The following PICALM variants were observed in gnomAD, a reference collection of about 807,000 sequenced individuals.
The protein encoded by PICALM is phosphatidylinositol binding clathrin assembly protein, also known as phosphatidylinositol-binding clathrin assembly protein.
Under a neutral mutation model 80.5 loss-of-function variants are expected in PICALM, and 40 were observed. The ratio of observed to expected loss-of-function variants is 0.50; its 90% CI spans 0.39 to 0.65. PICALM has a LOEUF of 0.65. PICALM is among the 30% of genes least tolerant of loss of function. The pLI is 0.00. For missense variants in PICALM, 676 were observed against 778.9 expected, an observed-to-expected ratio of 0.87 and a Z score of 1.57; for synonymous variants, 288 against 260.3, an observed-to-expected ratio of 1.11 and a Z score of -1.02.
intron 1 of PICALM, among the ~76,000 whole-genome samples, chr11:86,035,960 A>G (rs977638390): frequency 2.1e-4 from 31 of 150,744 alleles, no homozygotes; most frequent in African/African-American, 6.1e-4. Flanking sequence ...AAAAAAAAAA[A>G]AAAAAGAAAA....
intron 10 of PICALM, 92 bp downstream of exon 10, chr11:86,000,943 T>C (rs955168903): frequency 5.3e-6 from 8 of 1,513,778 alleles, no homozygotes; most frequent in Middle Eastern, 1.8e-4. Flanking sequence ...TAGGTAGCTA[T>C]ACATTTAAGA....
chr11:86,060,768 T>G (rs780492252), intron 1 of PICALM, among the ~76,000 whole-genome samples: 1 of 148,292 alleles, frequency 6.7e-6, no homozygotes, highest in Non-Finnish European at 1.5e-5. Flanking sequence ...GAGACAGACA[T>G]TACACTCACA....
intron 7 of PICALM, among the ~76,000 whole-genome samples, chr11:86,008,829 G>A (rs1410905580): frequency 1.3e-5 from 2 of 150,978 alleles, no homozygotes; most frequent in East Asian, 2.0e-4. Context: ...GGTGGCTCAC[G>A]CCTGTAATCC....
At chr11:86,062,412 G>A (rs781705246) in intron 1 of PICALM, among the ~76,000 whole-genome samples, 5 of 152,008 alleles carry the variant, frequency 3.3e-5, no homozygotes, top group Non-Finnish European at 5.9e-5. Context: ...CAGGTATTTG[G>A]GAGGCTGAGG....
intron 1 of PICALM, among the ~76,000 whole-genome samples, chr11:86,044,275 G>GC (rs1253060171): frequency 6.6e-6 from 1 of 152,148 alleles, no homozygotes; most frequent in Non-Finnish European, 1.5e-5. Flanking sequence ...AAGAATTATG[G>GC]CAACAGTGGT....
chr11:85,965,684 G>A (rs2093852258), intron 19 of PICALM, among the ~76,000 whole-genome samples: 1 of 152,060 alleles, frequency 6.6e-6, no homozygotes, highest in African/African-American at 2.4e-5. Flanking sequence ...TAAGTCTAGT[G>A]CCACAAATAA....
chr11:85,959,119 A>T, intron 19 of PICALM, 59 bp from the exon 20 acceptor site: 1 of 1,242,968 alleles, frequency 8.0e-7, no homozygotes, highest in Non-Finnish European at 1.2e-6. Context: ...TCTCATAAAT[A>T]AAAATGCTTT....
At position 86,023,361 on chromosome 11, in the gene PICALM, G is replaced by GA. The variant is rs1457359831; in HGVS notation, c.350-893dup. On this transcript the variant is annotated intron_variant, in intron 3 of 19. Transcript: ENST00000393346. ...TGAGTGCCTATTAAGTACCAGTGGAGAAAAATCAGTGAACAAAATAGAAAA... is the reference window on the plus strand; with the variant it reads ...TGAGTGCCTATTAAGTACCAGTGGAGAAAAAATCAGTGAACAAAATAGAAAA... The GA allele has an allele frequency of 5.9e-6, 4 of 674,446 alleles. No individual in the cohort carries two copies. In the African/African-American group the frequency reaches 7.8e-5, roughly 13 times the overall value. 41.8% of individuals were successfully genotyped at this position (674,446 alleles called of 1,614,324 possible).
At chr11:86,014,134 A>G (rs2136326094) in intron 5 of PICALM, among the ~76,000 whole-genome samples, 1 of 152,370 alleles carries the variant, frequency 6.6e-6, no homozygotes, top group South Asian at 2.1e-4. Context: ...GGGGTACAAC[A>G]GAGAACAAAA....
At chr11:86,066,884 T>C (rs1786730772) in intron 1 of PICALM, among the ~76,000 whole-genome samples, 1 of 152,164 alleles carries the variant, frequency 6.6e-6, no homozygotes, top group African/African-American at 2.4e-5. Flanking sequence ...ACTACACGTA[T>C]CAGATAATCA....
At chr11:85,995,344 T>C (rs148757375) in intron 12 of PICALM, among the ~76,000 whole-genome samples, 4 of 152,326 alleles carry the variant, frequency 2.6e-5, no homozygotes, top group African/African-American at 9.6e-5. Flanking sequence ...TCCAATATAT[T>C]GCAGTCTGTC....
chr11:86,013,833 T>C (rs2095438207), intron 5 of PICALM, among the ~76,000 whole-genome samples: 1 of 152,176 alleles, frequency 6.6e-6, no homozygotes, highest in Admixed American at 6.5e-5. Flanking sequence ...GGCCACACAG[T>C]CTCTGTCATA....
At chr11:86,065,659 T>C (rs1285146461) in intron 1 of PICALM, among the ~76,000 whole-genome samples, 1 of 152,210 alleles carries the variant, frequency 6.6e-6, no homozygotes, top group African/African-American at 2.4e-5. Flanking sequence ...TTATGGCTAC[T>C]AAAGGCCTAA....
chr11:85,976,967 T>C (rs970224923), intron 17 of PICALM: 2 of 231,794 alleles, frequency 8.6e-6, no homozygotes, highest in African/African-American at 2.2e-5. Context: ...AATCTTTAGA[T>C]TTAAAAAAGT....
intron 17 of PICALM, among the ~76,000 whole-genome samples, chr11:85,978,978 G>C (rs1000077709): frequency 1.3e-5 from 2 of 152,112 alleles, no homozygotes; most frequent in African/African-American, 4.8e-5. Flanking sequence ...CCTAGTCAGT[G>C]AGGTGTGTTA....
chr11:86,022,085 T>G (rs1288387941), intron 4 of PICALM, among the ~76,000 whole-genome samples: 1 of 152,194 alleles, frequency 6.6e-6, no homozygotes, highest in Non-Finnish European at 1.5e-5. Context: ...GTTCTGAAAT[T>G]AGTGGTGATG....
chr11:85,978,317 AAT>A (rs1222128639), intron 17 of PICALM: 2 of 400,604 alleles, frequency 5.0e-6, no homozygotes, highest in Non-Finnish European at 9.1e-6. Context: ...TTATATAAAA[AAT>A]AGTTTATTGA....
At position 86,056,134 on chromosome 11, in the gene PICALM, T is replaced by TAAAAAAAAAAAAAAAAA. The variant is rs376759395; in HGVS notation, c.130+12516_130+12517insTTTTTTTTTTTTTTTTT. ...TGGGTGACAGAACAAGACTCTGTCT[T>TAAAAAAAAAAAAAAAAA]TAAAAAAAAAAAAAAAGAAAAAACC... On this transcript the variant is annotated intron_variant, in intron 1 of 19. Coordinates refer to ENST00000393346, the MANE Select transcript of PICALM (RefSeq NM_007166.4). Among the ~76,000 whole-genome samples the TAAAAAAAAAAAAAAAAA allele has an allele frequency of 1.8e-4, 14 of 76,850 alleles. 2 individuals carry two copies. Among genetic ancestry groups the TAAAAAAAAAAAAAAAAA allele is most frequent in the African/African-American group, 3.9e-4 (8 of 20,522 alleles). 50.4% of individuals were successfully genotyped at this position (76,850 alleles called of 152,430 possible).
intron 2 of PICALM, among the ~76,000 whole-genome samples, chr11:86,027,864 A>G (rs2095675286): frequency 6.6e-6 from 1 of 151,996 alleles, no homozygotes; most frequent in South Asian, 2.1e-4. Context: ...AAACTAACAA[A>G]CCAGGATTTT....
Sources: gnomAD v4.1 joint callset for allele counts (sites outside exome capture counted in the v4.1 genomes callset) on GRCh38, gnomAD v4.1.1 for gene constraint, MANE v1.5 for transcripts, NCBI Gene and HGNC (gene_info 2026-07-23, HGNC 2026-07-21) for gene names.